Variants in RTN4IP1 observed in about 807,000 individuals in gnomAD.
RTN4IP1 encodes NAD(P)H oxidoreductase RTN4IP1, mitochondrial.
In RTN4IP1, 32 loss-of-function variants were observed where a neutral mutation model predicts 46.6. The ratio of observed to expected loss-of-function variants is 0.69; its 90% confidence interval spans 0.52 to 0.92. The LOEUF is 0.92. Among genes scored for constraint, RTN4IP1 ranks in the 40% least tolerant of loss-of-function variants. RTN4IP1 has a pLI of 0.00. For synonymous variants in RTN4IP1, 167 were observed against 161.8 expected, an observed-to-expected ratio of 1.03 and a Z score of -0.24; for missense variants, 424 against 485.8, an observed-to-expected ratio of 0.87 and a Z score of 1.20.
At chr6:106,603,357 T>C (rs1775991223) in intron 4 of RTN4IP1, among the ~76,000 whole-genome samples, 1 of 152,212 alleles carries the variant, frequency 6.6e-6, no homozygotes, top group Admixed American at 6.5e-5. Context: ...AATAAACATC[T>C]TTTGTTCAGA....
At chr6:106,614,817 G>A (rs1158144829) in intron 4 of RTN4IP1, among the ~76,000 whole-genome samples, 1 of 152,152 alleles carries the variant, frequency 6.6e-6, no homozygotes, top group Non-Finnish European at 1.5e-5. Context: ...GGCAAGGCTA[G>A]AAGCTAGATT....
At chr6:106,575,351 G>A (rs79735382) in intron 8 of RTN4IP1, among the ~76,000 whole-genome samples, 5,199 of 152,254 alleles carry the variant, frequency 0.034, 151 homozygotes, top group South Asian at 0.075. Flanking sequence ...ATTGTGCCTC[G>A]CATCCCTGAT....
chr6:106,602,737 TTACAGAACAAGCTGAAATTACAGTACA>T, intron 5 of RTN4IP1, 110 bp downstream of exon 5: 1 of 534,676 alleles, frequency 1.9e-6, no homozygotes, highest in Non-Finnish European at 3.2e-6. Context: ...TATTTTCCTC[TTACAGAACAAGCTGAAATTACAGTACA>T]TTTACCAGAC....
chr6:106,602,772 G>A lies in RTN4IP1; in HGVS notation c.669+102C>T. ...AGCTGAAATTACAGTACATTTACCA[G>A]ACCTACCTTTCTCTCAGCTTTTAAG... On this transcript the variant is annotated intron_variant, in intron 5 of 8. Coordinates refer to ENST00000369063, the MANE Select transcript of RTN4IP1 (RefSeq NM_032730.5). 4.1e-6 allele frequency: 3 copies of A among 731,376 alleles called. No homozygotes were observed. The South Asian group carries it at 6.4e-5, about 16-fold the overall frequency. The allele number at this position is 731,376 out of a possible 1,614,324, so 45.3% of individuals were successfully genotyped here.
At chr6:106,603,710 T>C (rs565545275) in intron 4 of RTN4IP1, among the ~76,000 whole-genome samples, 1 of 152,336 alleles carries the variant, frequency 6.6e-6, no homozygotes, top group South Asian at 2.1e-4. Context: ...CCCAAAGAAG[T>C]GTGCAATCCA....
In RTN4IP1 at chr6:106,587,842, T is replaced by C; in HGVS notation, c.827A>G (p.Asn276Ser). ...CCATGTTTCAGTGGATCCGCCAACA[T>C]TATCAAGGATAAAATCAAATCTGGA... The part of the protein sequence containing the change: ...SLKPFDFILD[N>S]VGGSTETWAP... The change falls in exon 7 of 9, where the codon AAT (asparagine) becomes AGT (serine). Residue 276 changes from asparagine (N) to serine (S), a missense_variant. Transcript: ENST00000369063. 2.5e-6 allele frequency: 4 copies of C among 1,612,946 alleles called. No homozygotes were observed. The South Asian group carries it at 3.3e-5, about 13-fold the overall frequency.
intron 4 of RTN4IP1, among the ~76,000 whole-genome samples, chr6:106,611,520 C>T (rs1167530998): frequency 6.6e-6 from 1 of 152,168 alleles, no homozygotes. Flanking sequence ...GAAAATGTAT[C>T]TCATCTTTCA....
chr6:106,630,175 A>G (rs550892140), upstream of RTN4IP1, among the ~76,000 whole-genome samples: 6 of 152,264 alleles, frequency 3.9e-5, 1 homozygote, highest in South Asian at 1.2e-3. Flanking sequence ...GATACCAGTG[A>G]TTTCCTAACC....
intron 8 of RTN4IP1, among the ~76,000 whole-genome samples, chr6:106,578,579 C>T (rs1030980276): frequency 1.1e-4 from 17 of 152,184 alleles, no homozygotes; most frequent in African/African-American, 3.1e-4. Flanking sequence ...CAACCCAGTA[C>T]GCTTAAGGGG....
At position 106,629,115 on chromosome 6, in the gene RTN4IP1, C is replaced by A. The variant is rs1242276089; in HGVS notation, c.-94G>T. 1.6e-6 allele frequency: 2 copies of A among 1,252,210 alleles called. No homozygotes were observed. The highest frequency in any genetic ancestry group is 2.2e-6 in the Non-Finnish European group (2 of 906,240). 77.6% of individuals were successfully genotyped at this position (1,252,210 alleles called of 1,614,324 possible). On this transcript the variant is annotated 5_prime_UTR_variant, in exon 1 of 9. Coordinates refer to ENST00000369063, the MANE Select transcript of RTN4IP1 (RefSeq NM_032730.5). ...AATTCAGTCAAATTCTGCCAAACCA[C>A]GGGCTAGTTTCAAAATTAAGCATGC...
At chr6:106,622,702 G>A (rs564326392) in intron 2 of RTN4IP1, 116 bp downstream of exon 2, 2 of 1,036,088 alleles carry the variant, frequency 1.9e-6, no homozygotes, top group Non-Finnish European at 2.7e-6. Context: ...GGGAGCAGAA[G>A]CCCCTTAGCT....
At chr6:106,588,876 C>T (rs760170151) in intron 6 of RTN4IP1, among the ~76,000 whole-genome samples, 2 of 151,708 alleles carry the variant, frequency 1.3e-5, no homozygotes, top group African/African-American at 2.4e-5. Flanking sequence ...TTTGGGAGGC[C>T]GAGTCGGGTG....
chr6:106,611,019 G>A (rs2114666764), intron 4 of RTN4IP1, among the ~76,000 whole-genome samples: 1 of 151,208 alleles, frequency 6.6e-6, no homozygotes, highest in Non-Finnish European at 1.5e-5. Flanking sequence ...ATCTTATGAG[G>A]TAGGGCGCCA....
chr6:106,571,819 T>C lies in RTN4IP1; in HGVS notation c.*177A>G. 1.8e-6 allele frequency: 1 copy of C among 547,830 alleles called. No individual in the cohort carries two copies. The allele number at this position is 547,830 out of a possible 1,614,324, so 33.9% of individuals were successfully genotyped here. The stretch of plus-strand genomic sequence containing the variant: ...TCTACTGACTACAGACAAATCCAAG[T>C]GCTGATATTTTTATATCAATTACTG... On this transcript the variant is annotated 3_prime_UTR_variant, in exon 9 of 9. Transcript: ENST00000369063.
At chr6:106,607,217 A>G (rs1488967276) in intron 4 of RTN4IP1, among the ~76,000 whole-genome samples, 2 of 152,176 alleles carry the variant, frequency 1.3e-5, no homozygotes, top group African/African-American at 4.8e-5. Flanking sequence ...AATGGAAACT[A>G]GATGCCCATC....
intron 1 of RTN4IP1, among the ~76,000 whole-genome samples, chr6:106,624,390 C>CT (rs1776576901): frequency 6.6e-6 from 1 of 151,684 alleles, no homozygotes; most frequent in South Asian, 2.1e-4. Context: ...AAGCCTCACT[C>CT]TGTTGCCCAA....
At chr6:106,590,714 C>CAAAAAAAAAAAAA (rs35293436) in intron 6 of RTN4IP1, among the ~76,000 whole-genome samples, 3 of 68,520 alleles carry the variant, frequency 4.4e-5, no homozygotes, top group African/African-American at 1.2e-4. Flanking sequence ...GAATCCATCT[C>CAAAAAAAAAAAAA]AAAAAAAAAA....
chr6:106,573,628 C>T (rs1397404500), intron 8 of RTN4IP1, among the ~76,000 whole-genome samples: 1 of 152,202 alleles, frequency 6.6e-6, no homozygotes, highest in African/African-American at 2.4e-5. Context: ...CTGTTATTCC[C>T]ATTTTACAGA....
At chr6:106,574,596 CTGT>C (rs754860728) in intron 8 of RTN4IP1, among the ~76,000 whole-genome samples, 9 of 152,182 alleles carry the variant, frequency 5.9e-5, no homozygotes, top group Non-Finnish European at 1.3e-4. Flanking sequence ...CCAAGGCCTC[CTGT>C]TAGAACAACT....
Sources: gnomAD v4.1 joint callset for allele counts (sites outside exome capture counted in the v4.1 genomes callset) on GRCh38, gnomAD v4.1.1 for gene constraint, MANE v1.5 for transcripts, NCBI Gene and HGNC (gene_info 2026-07-23, HGNC 2026-07-21) for gene names.